The following ALDH4A1 variants were observed in gnomAD, a reference collection of about 807,000 sequenced individuals.
The protein encoded by ALDH4A1 is delta-1-pyrroline-5-carboxylate dehydrogenase, mitochondrial.
Under a neutral mutation model 70.5 loss-of-function variants are expected in ALDH4A1, and 46 were observed. That is an observed-to-expected ratio of 0.65 (90% confidence interval 0.51 to 0.83). The LOEUF (loss-of-function observed/expected upper bound fraction) is 0.83, where lower values mean the gene tolerates loss of function less well. Among genes scored for constraint, ALDH4A1 ranks in the 40% least tolerant of loss-of-function variants. The pLI is 0.00. For missense variants in ALDH4A1, 749 were observed against 766.5 expected (o/e 0.98, Z 0.27); for synonymous variants, 323 against 324.3 (o/e 1.00, Z 0.04).
intron 5 of ALDH4A1, 136 bp downstream of exon 5, chr1:18,885,337 C>T (rs1031708079): frequency 1.2e-6 from 1 of 831,898 alleles, no homozygotes; most frequent in Non-Finnish European, 1.9e-6. Context: ...TAGGCCTTGT[C>T]CCTTGAGGAC....
intron 4 of ALDH4A1, 152 bp from the exon 5 acceptor site, chr1:18,885,780 CCAA>C (rs1935178421): frequency 8.6e-7 from 1 of 1,167,446 alleles, no homozygotes; most frequent in Non-Finnish European, 1.2e-6. Flanking sequence ...ACCATAGCTG[CCAA>C]CAACAGCGTC....
chr1:18,902,518 C>A lies in ALDH4A1; in HGVS notation c.6G>T (p.Leu2=). 6.7e-7 allele frequency: 1 copy of A among 1,484,258 alleles called. No individual in the cohort carries two copies. Among genetic ancestry groups the A allele is most frequent in the African/African-American group, 1.4e-5 (1 of 70,204 alleles). 91.9% of individuals were successfully genotyped at this position (1,484,258 alleles called of 1,614,324 possible). A position where few individuals can be genotyped will look rare whatever the true frequency, so the allele number is the denominator to read the frequency against. The change falls in exon 1 of 15, where the codon CTG becomes CTT. Residue 2 remains leucine, a synonymous_variant. Transcript: ENST00000375341. The part of the protein sequence containing the change: M[L]LPAPALRRAL... The stretch of plus-strand genomic sequence containing the variant: ...CGCGGCGGAGCGCGGGCGCCGGCAG[C>A]AGCATCTCGGGTTAGAAGCGGGGCT...
intron 7 of ALDH4A1, 59 bp from the exon 8 acceptor site, chr1:18,881,946 C>T (rs28523560): frequency 6.8e-7 from 1 of 1,478,762 alleles, no homozygotes; most frequent in Admixed American, 1.9e-5. Flanking sequence ...CCAACCCCCA[C>T]CCCACCCTAC....
At position 18,889,244 on chromosome 1, in the gene ALDH4A1, G is replaced by A. The variant is rs528631332; in HGVS notation, c.249+118C>T. The A allele has an allele frequency of 1.3e-5, 12 of 905,614 alleles. No individual in the cohort carries two copies. In the Admixed American group the frequency reaches 1.7e-4, roughly 13 times the overall value. 56.1% of individuals were successfully genotyped at this position (905,614 alleles called of 1,614,324 possible). On this transcript the variant is annotated intron_variant, in intron 3 of 14. Coordinates refer to ENST00000375341, the MANE Select transcript of ALDH4A1 (RefSeq NM_003748.4). ...CACAGAATTCAAAATCTGGGGTGGG[G>A]AGGGGCACTATAAAGGCCTTGAAGT...
At chr1:18,876,260 C>T in intron 12 of ALDH4A1, 55 bp downstream of exon 12, 5 of 1,594,096 alleles carry the variant, frequency 3.1e-6, no homozygotes, top group Non-Finnish European at 4.3e-6. Flanking sequence ...TGTGTGTGTG[C>T]TGTGCTCCGG....
Position 18,877,399 on chromosome 1 carries a change from G to C in ALDH4A1, c.1137+17C>G. 12 of 1,558,910 alleles carry C rather than the reference G, an allele frequency of 7.7e-6. No individual in the cohort carries two copies. Among genetic ancestry groups the C allele is most frequent in the Non-Finnish European group, 1.0e-5 (12 of 1,150,532 alleles). On this transcript the variant is annotated intron_variant, in intron 10 of 14. Coordinates refer to ENST00000375341, the MANE Select transcript of ALDH4A1 (RefSeq NM_003748.4). ...AGCCCCCCGCTGGGCCGCGGCGGGG[G>C]TGACGGTGCCACTCACGTCGCCCAC...
intron 4 of ALDH4A1, 116 bp downstream of exon 4, chr1:18,886,347 TG>T: frequency 2.5e-6 from 3 of 1,218,938 alleles, no homozygotes; most frequent in Non-Finnish European, 2.4e-6. Context: ...CTACCCACCA[TG>T]GCCAAAGAAG....
At chr1:18,877,748 AGAG>A in intron 9 of ALDH4A1, 136 bp from the exon 10 acceptor site, 1 of 1,079,976 alleles carries the variant, frequency 9.3e-7, no homozygotes, top group Non-Finnish European at 1.3e-6. Flanking sequence ...GCGGAGGCTC[AGAG>A]TGAGCGCTGG....
At position 18,877,539 on chromosome 1, in the gene ALDH4A1, G is replaced by A. The variant is rs1020074166; in HGVS notation, c.1014C>T (p.Arg338=). 4 of 1,612,046 alleles carry A rather than the reference G, an allele frequency of 2.5e-6. No individual in the cohort carries two copies. Among genetic ancestry groups the A allele is most frequent in the Admixed American group, 1.7e-5 (1 of 59,948 alleles). ...TCTGGCCACCGTACTCGAAGGCTGA[G>A]CGGAGGGTCCCGCTCACCACGCTCT... ...DVESVVSGTL[R]SAFEYGGQKC... The change falls in exon 10 of 15, where the codon CGC becomes CGT. Residue 338 remains arginine (R), a synonymous_variant. Transcript: ENST00000375341.
In ALDH4A1 at chr1:18,881,893, C is replaced by T. The variant is rs369992538; in HGVS notation, c.679-6G>A. 6.4e-5 allele frequency: 103 copies of T among 1,612,380 alleles called. No individual in the cohort carries two copies. Among genetic ancestry groups the T allele is most frequent in the East Asian group, 8.9e-5 (4 of 44,862 alleles). ...TTCCATAGGACCACGTTGCCCTGCC[C>T]GGGAGGTGTTTCAGTGATGCATGAG... On this transcript the variant is annotated splice_polypyrimidine_tract_variant and splice_region_variant and intron_variant, in intron 7 of 14. Coordinates refer to ENST00000375341, the MANE Select transcript of ALDH4A1 (RefSeq NM_003748.4).
Position 18,874,477 on chromosome 1 carries a change from C to T in ALDH4A1, c.1565G>A (p.Gly522Glu). 1 of 1,614,060 alleles carries T rather than the reference C, an allele frequency of 6.2e-7. No individual in the cohort carries two copies. The highest frequency in any genetic ancestry group is 8.5e-7 in the Non-Finnish European group (1 of 1,180,022). The change falls in exon 14 of 15, where the codon GGG becomes GAG. Residue 522 changes from glycine to glutamate, a missense_variant. Coordinates refer to ENST00000375341, the MANE Select transcript of ALDH4A1 (RefSeq NM_003748.4). ...GSIVGQQPFGGARASGTNDKP... is the reference protein window; with the variant it reads ...GSIVGQQPFGEARASGTNDKP... ...GACCCACTCACCAGAGGCTCGGGCC[C>T]CCCCAAAGGGCTGCTGGCCCACTAT...
chr1:18,877,693 A>T, intron 9 of ALDH4A1, 81 bp from the exon 10 acceptor site: 1 of 1,512,806 alleles, frequency 6.6e-7, no homozygotes, highest in Non-Finnish European at 9.0e-7. Flanking sequence ...CACCTACGCC[A>T]TCCATGGCCC....
At chr1:18,875,294 T>C (rs1934625457) in intron 13 of ALDH4A1, 88 bp downstream of exon 13, 12 of 1,602,584 alleles carry the variant, frequency 7.5e-6, no homozygotes, top group Admixed American at 5.0e-5. Context: ...GGCAGCATTA[T>C]TACTGGGAAC....
chr1:18,896,548 C>T (rs899341712), intron 1 of ALDH4A1, among the ~76,000 whole-genome samples: 1 of 152,190 alleles, frequency 6.6e-6, no homozygotes, highest in Admixed American at 6.5e-5. Context: ...GACATAAAGG[C>T]AACACTAGGT....
chr1:18,875,649 C>T (rs1934649705), intron 12 of ALDH4A1, 146 bp from the exon 13 acceptor site: 8 of 1,304,252 alleles, frequency 6.1e-6, no homozygotes, highest in African/African-American at 1.5e-5. Flanking sequence ...GGTCAGGTGT[C>T]GCCTCCTCCT....
At chr1:18,881,946 C>G in intron 7 of ALDH4A1, 59 bp from the exon 8 acceptor site, 2 of 1,478,874 alleles carry the variant, frequency 1.4e-6, no homozygotes, top group Non-Finnish European at 1.8e-6. Context: ...CCAACCCCCA[C>G]CCCACCCTAC....
intron 11 of ALDH4A1, 118 bp downstream of exon 11, chr1:18,877,090 G>C (rs1160846508): frequency 1.5e-6 from 2 of 1,316,072 alleles, no homozygotes; most frequent in Non-Finnish European, 2.1e-6. Context: ...GAGCTGCCTT[G>C]ATCAAAGCAG....
Position 18,872,927 on chromosome 1 carries a change from T to C in ALDH4A1, c.1610A>G (p.Tyr537Cys), listed in dbSNP as rs1177188184. 2.5e-6 allele frequency: 4 copies of C among 1,614,032 alleles called. No homozygotes were observed. Among genetic ancestry groups the C allele is most frequent in the Non-Finnish European group, 3.4e-6 (4 of 1,179,992 alleles). The change falls in exon 15 of 15, where the codon TAC becomes TGC. Residue 537 changes from tyrosine (Y) to cysteine (C), a missense_variant. Transcript: ENST00000375341. Reference protein sequence around the residue: ...GTNDKPGGPHYILRWTSPQVI... With the variant: ...GTNDKPGGPHCILRWTSPQVI... ...CTGCGGCGACGTCCAGCGCAGGATG[T>C]AGTGTGGGCCCCCTGGCTTGTCATT...
Position 18,872,740 on chromosome 1 carries a change from G to A in ALDH4A1, c.*105C>T. The A allele has an allele frequency of 1.2e-6, 1 of 819,854 alleles. No individual in the cohort carries two copies. The allele number at this position is 819,854 out of a possible 1,614,324, so 50.8% of individuals were successfully genotyped here. A position where few individuals can be genotyped will look rare whatever the true frequency, so the allele number is the denominator to read the frequency against. ...GGGAGTCAAGCCCGGATTATAGAAA[G>A]GCAGCTGTGCATGAAGAAGGGGTGG... On this transcript the variant is annotated 3_prime_UTR_variant, in exon 15 of 15. Coordinates refer to ENST00000375341, the MANE Select transcript of ALDH4A1 (RefSeq NM_003748.4).
Sources: gnomAD v4.1 joint callset for allele counts (sites outside exome capture counted in the v4.1 genomes callset) on GRCh38, gnomAD v4.1.1 for gene constraint, MANE v1.5 for transcripts, NCBI Gene and HGNC (gene_info 2026-07-23, HGNC 2026-07-21) for gene names.